The following ZC2HC1B variants were observed in gnomAD, a reference collection of about 807,000 sequenced individuals.
The protein encoded by ZC2HC1B is zinc finger C2HC-type containing 1B.
A neutral mutation model predicts 31.0 loss-of-function variants in ZC2HC1B; 36 were observed. The ratio of observed to expected loss-of-function variants is 1.16; its 90% CI spans 0.89 to 1.54. The LOEUF (loss-of-function observed/expected upper bound fraction) is 1.54, where lower values mean the gene tolerates loss of function less well. Ranked by LOEUF, ZC2HC1B falls within the 40% of genes most tolerant of loss-of-function variation. The pLI, the probability that ZC2HC1B is intolerant of heterozygous loss-of-function variation, is 0.00. For synonymous variants in ZC2HC1B, 73 were observed against 88.0 expected (o/e 0.83, Z 0.95); for missense variants, 260 against 268.6 (o/e 0.97, Z 0.22).
At position 143,903,223 on chromosome 6, in the gene ZC2HC1B, C is replaced by A; in HGVS notation, c.598+71C>A. The A allele has an allele frequency of 7.5e-7, 1 of 1,331,740 alleles. No homozygotes were observed. Among genetic ancestry groups the A allele is most frequent in the Non-Finnish European group, 1.1e-6 (1 of 948,432 alleles). 82.5% of individuals were successfully genotyped at this position (1,331,740 alleles called of 1,614,324 possible). On this transcript the variant is annotated intron_variant, in intron 6 of 7. Coordinates refer to ENST00000237275, the MANE Select transcript of ZC2HC1B (RefSeq NM_001013623.3). The surrounding 1 kb of genome is among the most constrained non-coding windows in gnomAD (Gnocchi z 4.3). Reference sequence around the variant, plus strand: ...GGAGATCACTGTTGGGTTTGGGATTCACTGGTAGTCTGCAAAAGCTCTAAG... The same window carrying A: ...GGAGATCACTGTTGGGTTTGGGATTAACTGGTAGTCTGCAAAAGCTCTAAG...
At chr6:143,902,967 C>T in intron 5 of ZC2HC1B, 77 bp from the exon 6 acceptor site, 2 of 1,355,550 alleles carry the variant, frequency 1.5e-6, no homozygotes, top group Non-Finnish European at 2.0e-6. Context: ...TAAGTGGGAA[C>T]AGCTGTACCT....
intron 4 of ZC2HC1B, among the ~76,000 whole-genome samples, chr6:143,889,925 T>A (rs1471887321): frequency 6.6e-6 from 1 of 152,118 alleles, no homozygotes; most frequent in Non-Finnish European, 1.5e-5. Flanking sequence ...ACAAAGTAGG[T>A]CTCAAATTTA....
At position 143,886,890 on chromosome 6, in the gene ZC2HC1B, G is replaced by A; in HGVS notation, c.349+69G>A. On this transcript the variant is annotated intron_variant, in intron 4 of 7. Coordinates refer to ENST00000237275, the MANE Select transcript of ZC2HC1B (RefSeq NM_001013623.3). The surrounding 1 kb of genome is among the most constrained non-coding windows in gnomAD (Gnocchi z 4.2). ...TTGACCAAATCATCATGCCCTCTAT[G>A]CACTCTGAAATTGACAATAACAATT... The A allele has an allele frequency of 7.7e-7, 1 of 1,298,948 alleles. No individual in the cohort carries two copies. The highest frequency in any genetic ancestry group is 1.0e-6 in the Non-Finnish European group (1 of 998,604). 80.5% of individuals were successfully genotyped at this position (1,298,948 alleles called of 1,614,324 possible). A position where few individuals can be genotyped will look rare whatever the true frequency, so the allele number is the denominator to read the frequency against.
chr6:143,868,386 G>A lies in ZC2HC1B; in HGVS notation c.28+3819G>A, dbSNP rs539845935. On this transcript the variant is annotated intron_variant, in intron 1 of 7. Coordinates refer to ENST00000237275, the MANE Select transcript of ZC2HC1B (RefSeq NM_001013623.3). This position sits in a 1 kb window ranked among gnomAD's most constrained non-coding sequence, Gnocchi z 4.2. ...CAGTGCCAAAACTGAAGAACTTGGA[G>A]TTCAATGTTTGAGGGCAGGAAGCAT... 6.6e-6 allele frequency among the ~76,000 whole-genome samples: 1 copy of A among 152,328 alleles called. No homozygotes were observed. The highest frequency in any genetic ancestry group is 1.9e-4 in the East Asian group (1 of 5,182).
At chr6:143,927,609 G>T (rs1778068492) in intron 6 of ZC2HC1B, among the ~76,000 whole-genome samples, 1 of 152,142 alleles carries the variant, frequency 6.6e-6, no homozygotes, top group African/African-American at 2.4e-5. Flanking sequence ...AAACATGAGT[G>T]CATGTATCTT....
rs1777507050 is a variant in ZC2HC1B at position 143,884,436 on chromosome 6, G to A, written c.90+71G>A. On this transcript the variant is annotated intron_variant, in intron 2 of 7. Transcript: ENST00000237275. The surrounding 1 kb of genome is among the most constrained non-coding windows in gnomAD (Gnocchi z 5.1). Reference sequence around the variant, plus strand: ...GAACTGTCAAGTCAGTGAGGAGGCGGCAGTGCAAAGATTAAAGACAGATGT... The same window carrying A: ...GAACTGTCAAGTCAGTGAGGAGGCGACAGTGCAAAGATTAAAGACAGATGT... 4 of 1,394,802 alleles carry A rather than the reference G, an allele frequency of 2.9e-6. No individual in the cohort carries two copies. Among genetic ancestry groups the A allele is most frequent in the Middle Eastern group, 1.8e-4 (1 of 5,546 alleles). The allele number at this position is 1,394,802 out of a possible 1,614,324, so 86.4% of individuals were successfully genotyped here. A position where few individuals can be genotyped will look rare whatever the true frequency, so the allele number is the denominator to read the frequency against.
intron 6 of ZC2HC1B, among the ~76,000 whole-genome samples, chr6:143,906,338 CT>C (rs1230898008): frequency 6.6e-6 from 1 of 152,048 alleles, no homozygotes; most frequent in African/African-American, 2.4e-5. Flanking sequence ...TCATAATACT[CT>C]CATGAAATCC....
intron 6 of ZC2HC1B, among the ~76,000 whole-genome samples, chr6:143,904,848 C>T (rs1042522105): frequency 2.0e-5 from 3 of 152,194 alleles, no homozygotes; most frequent in Admixed American, 2.0e-4. Flanking sequence ...CCCCATTCAA[C>T]CAATGGTCTT....
Position 143,871,023 on chromosome 6 carries a change from G to A in ZC2HC1B, c.28+6456G>A, listed in dbSNP as rs1268973008. ...CTCCAAAATCCAAATAGATCCACTA[G>A]ACATTGTGCCTCTTTCTTGGTGGTA... On this transcript the variant is annotated intron_variant, in intron 1 of 7. Transcript: ENST00000237275. The surrounding 1 kb of genome is among the most constrained non-coding windows in gnomAD (Gnocchi z 4.1). 6.6e-6 allele frequency among the ~76,000 whole-genome samples: 1 copy of A among 152,074 alleles called. No homozygotes were observed. The highest frequency in any genetic ancestry group is 1.5e-5 in the Non-Finnish European group (1 of 68,014).
intron 6 of ZC2HC1B, among the ~76,000 whole-genome samples, chr6:143,919,839 T>C (rs1036569384): frequency 8.5e-5 from 13 of 152,128 alleles, no homozygotes; most frequent in African/African-American, 2.7e-4. Flanking sequence ...GAGTCCAAAA[T>C]AGTTATATGG....
At chr6:143,935,658 T>TC (rs1375525253) in intron 6 of ZC2HC1B, among the ~76,000 whole-genome samples, 2 of 113,254 alleles carry the variant, frequency 1.8e-5, no homozygotes, top group African/African-American at 7.1e-5. Flanking sequence ...TTTTTTTTTT[T>TC]TTTTTTTTTT....
chr6:143,882,855 C>A (rs1043435384), intron 1 of ZC2HC1B, among the ~76,000 whole-genome samples: 2 of 152,016 alleles, frequency 1.3e-5, no homozygotes, highest in African/African-American at 4.8e-5. Flanking sequence ...TTCAAGTTTC[C>A]TGTTTCTATC....
intron 6 of ZC2HC1B, among the ~76,000 whole-genome samples, chr6:143,916,072 AG>A (rs1452229095): frequency 6.6e-6 from 1 of 152,144 alleles, no homozygotes; most frequent in Non-Finnish European, 1.5e-5. Context: ...CCGAGGTTTA[AG>A]GGGAAAAAAT....
At position 143,917,068 on chromosome 6, in the gene ZC2HC1B, G is replaced by A. The variant is rs547899642; in HGVS notation, c.598+13916G>A. Reference sequence around the variant, plus strand: ...TTGAATTCCCATGTGTTTTTGGAGGGACCCAGTGGGAGGTAACTGAATCAT... The same window carrying A: ...TTGAATTCCCATGTGTTTTTGGAGGAACCCAGTGGGAGGTAACTGAATCAT... On this transcript the variant is annotated intron_variant, in intron 6 of 7. Coordinates refer to ENST00000237275, the MANE Select transcript of ZC2HC1B (RefSeq NM_001013623.3). The surrounding 1 kb of genome is among the most constrained non-coding windows in gnomAD (Gnocchi z 4.1). 2.0e-5 allele frequency among the ~76,000 whole-genome samples: 3 copies of A among 152,290 alleles called. No homozygotes were observed. The South Asian group carries it at 6.2e-4, about 32-fold the overall frequency.
chr6:143,923,765 T>C lies in ZC2HC1B; in HGVS notation c.599-13884T>C, dbSNP rs951670641. 2.6e-5 allele frequency among the ~76,000 whole-genome samples: 4 copies of C among 152,158 alleles called. No individual in the cohort carries two copies. Among genetic ancestry groups the C allele is most frequent in the Non-Finnish European group, 5.9e-5 (4 of 68,002 alleles). On this transcript the variant is annotated intron_variant, in intron 6 of 7. Transcript: ENST00000237275. The surrounding 1 kb of genome is among the most constrained non-coding windows in gnomAD (Gnocchi z 4.8). ...TGAAAATCAGTTAGCTGTAAATACA[T>C]GCATGTATTCCTGGAGTGTCTATTC...
chr6:143,888,218 G>A (rs932779637), intron 4 of ZC2HC1B, among the ~76,000 whole-genome samples: 15 of 152,014 alleles, frequency 9.9e-5, no homozygotes, highest in Admixed American at 9.8e-4. Context: ...CCATATGTTT[G>A]AGGATTTATT....
chr6:143,935,749 G>A (rs1404650939), intron 6 of ZC2HC1B, among the ~76,000 whole-genome samples: 4 of 137,666 alleles, frequency 2.9e-5, no homozygotes, highest in Admixed American at 1.7e-4. Context: ...TGACTTCCTG[G>A]GTACAAGTGA....
rs1466387632 is a variant in ZC2HC1B at position 143,885,583 on chromosome 6, T to C, written c.91-449T>C. On this transcript the variant is annotated intron_variant, in intron 2 of 7. Coordinates refer to ENST00000237275, the MANE Select transcript of ZC2HC1B (RefSeq NM_001013623.3). This position sits in a 1 kb window ranked among gnomAD's most constrained non-coding sequence, Gnocchi z 4.2. ...GGGTCTGACAAAGCTACTGTGTCAA[T>C]GATGGTTATTATGTGTCACACATCC... 2.0e-5 allele frequency among the ~76,000 whole-genome samples: 3 copies of C among 152,190 alleles called. No homozygotes were observed. Among genetic ancestry groups the C allele is most frequent in the Non-Finnish European group, 4.4e-5 (3 of 68,032 alleles).
At position 143,885,574 on chromosome 6, in the gene ZC2HC1B, C is replaced by G. The variant is rs898520836; in HGVS notation, c.91-458C>G. Among the ~76,000 whole-genome samples the G allele has an allele frequency of 6.6e-6, 1 of 152,188 alleles. No individual in the cohort carries two copies. Among genetic ancestry groups the G allele is most frequent in the Non-Finnish European group, 1.5e-5 (1 of 68,040 alleles). ...TATTTTGTGGGGTCTGACAAAGCTA[C>G]TGTGTCAATGATGGTTATTATGTGT... is the stretch of plus-strand genomic sequence containing the variant. On this transcript the variant is annotated intron_variant, in intron 2 of 7. Transcript: ENST00000237275. This position sits in a 1 kb window ranked among gnomAD's most constrained non-coding sequence, Gnocchi z 4.2.
Sources: gnomAD v4.1 joint callset for allele counts (sites outside exome capture counted in the v4.1 genomes callset) on GRCh38, gnomAD v4.1.1 for gene constraint, Gnocchi (gnomAD v3.1) non-coding constraint, MANE v1.5 for transcripts, NCBI Gene and HGNC (gene_info 2026-07-23, HGNC 2026-07-21) for gene names.